The following SUGCT variants were observed in gnomAD, a reference collection of about 807,000 sequenced individuals.
SUGCT encodes the protein succinyl-CoA:glutarate-CoA transferase, also known as succinyl-CoA:glutarate CoA-transferase.
In SUGCT, 41 loss-of-function variants were observed where a neutral mutation model predicts 55.0. The ratio of observed to expected loss-of-function variants is 0.74; its 90% CI spans 0.58 to 0.97. The LOEUF is 0.97. Among genes scored for constraint, SUGCT ranks in the 50% least tolerant of loss-of-function variants. The pLI, the probability that SUGCT is intolerant of heterozygous loss-of-function variation, is 0.00. For missense variants in SUGCT, 568 were observed against 547.8 expected (o/e 1.04, Z -0.37); for synonymous variants, 187 against 200.4 (o/e 0.93, Z 0.56).
intron 9 of SUGCT, among the ~76,000 whole-genome samples, chr7:40,413,716 A>T (rs569220725): frequency 6.6e-6 from 1 of 152,208 alleles, no homozygotes; most frequent in Non-Finnish European, 1.5e-5. Flanking sequence ...TTTACAAATT[A>T]ATAAGGGAAG....
intron 5 of SUGCT, among the ~76,000 whole-genome samples, chr7:40,193,570 G>C (rs914010508): frequency 2.5e-4 from 38 of 149,936 alleles, no homozygotes; most frequent in African/African-American, 8.8e-4. Flanking sequence ...ACAGGTGTGA[G>C]CCACTATGCC....
chr7:40,552,176 G>A (rs1795332523), intron 12 of SUGCT, among the ~76,000 whole-genome samples: 1 of 152,158 alleles, frequency 6.6e-6, no homozygotes, highest in East Asian at 1.9e-4. Context: ...AAAGGGACAG[G>A]CGGTGGTTTA....
At chr7:40,517,524 T>G (rs1050089118) in intron 12 of SUGCT, among the ~76,000 whole-genome samples, 3 of 152,242 alleles carry the variant, frequency 2.0e-5, no homozygotes, top group African/African-American at 7.2e-5. Context: ...GGTTCCTCTG[T>G]ATTTTGAGTT....
rs80006666 is a variant in SUGCT at position 40,155,715 on chromosome 7, A to G, written c.100+20595A>G. Reference sequence around the variant, plus strand: ...TGGTTATTATTGTTAATAATTGGTTATTAATGATGTGGTGGTGTGTGTTTA... The same window carrying G: ...TGGTTATTATTGTTAATAATTGGTTGTTAATGATGTGGTGGTGTGTGTTTA... On this transcript the variant is annotated intron_variant, in intron 1 of 13. Transcript: ENST00000335693. 3.2e-3 allele frequency among the ~76,000 whole-genome samples: 494 copies of G among 152,352 alleles called. 21 individuals carry two copies. The East Asian group carries it at 0.082, about 25-fold the overall frequency.
intron 12 of SUGCT, among the ~76,000 whole-genome samples, chr7:40,690,766 C>T (rs899413853): frequency 1.4e-4 from 21 of 152,006 alleles, no homozygotes; most frequent in African/African-American, 5.1e-4. Flanking sequence ...TTTGTAGAAA[C>T]GGGGTTTCAC....
At chr7:40,889,253 G>A in the SUGCT span, among the ~76,000 whole-genome samples, 1 of 152,120 alleles carries the variant, frequency 6.6e-6, no homozygotes, top group East Asian at 1.9e-4. Context: ...GAAAGTACGG[G>A]GGATCAGTCT....
chr7:40,199,552 TG>T (rs1410322311), intron 6 of SUGCT, among the ~76,000 whole-genome samples: 1 of 152,212 alleles, frequency 6.6e-6, no homozygotes, highest in Non-Finnish European at 1.5e-5. Context: ...AGAAGTACAA[TG>T]GTATTTCCCC....
chr7:40,898,376 C>G, the SUGCT span, among the ~76,000 whole-genome samples: 1 of 151,216 alleles, frequency 6.6e-6, no homozygotes, highest in Non-Finnish European at 1.5e-5. Context: ...AGCAAGAGCA[C>G]GAACCCACCA....
intron 8 of SUGCT, among the ~76,000 whole-genome samples, chr7:40,304,436 T>A (rs144906249): frequency 0.01 from 1,525 of 151,656 alleles, 105 homozygotes; most frequent in Admixed American, 0.092. Context: ...CATATTTAAA[T>A]TTTTTATTTT....
the SUGCT span, among the ~76,000 whole-genome samples, chr7:40,916,847 C>A: frequency 6.6e-6 from 1 of 152,148 alleles, no homozygotes; most frequent in East Asian, 1.9e-4. Context: ...ATACATGAAG[C>A]TATTGACAAA....
At chr7:40,655,858 T>G (rs1052647102) in intron 12 of SUGCT, among the ~76,000 whole-genome samples, 12 of 152,236 alleles carry the variant, frequency 7.9e-5, no homozygotes, top group African/African-American at 2.9e-4. Flanking sequence ...CTTAATTTCT[T>G]GTATTCTGTG....
intron 9 of SUGCT, among the ~76,000 whole-genome samples, chr7:40,404,441 CT>C (rs796273282): frequency 1.9e-3 from 267 of 142,368 alleles, no homozygotes; most frequent in Middle Eastern, 7.4e-3. Context: ...ATCCACTTGA[CT>C]TTTTTTTTTT....
intron 6 of SUGCT, among the ~76,000 whole-genome samples, chr7:40,211,071 G>T (rs1255769533): frequency 6.6e-6 from 1 of 152,048 alleles, no homozygotes; most frequent in Admixed American, 6.6e-5. Context: ...CCACCTCCTG[G>T]GTTCAAGCGA....
intron 8 of SUGCT, among the ~76,000 whole-genome samples, chr7:40,286,017 C>T (rs760516998): frequency 2.6e-5 from 4 of 152,164 alleles, no homozygotes; most frequent in Admixed American, 1.3e-4. Context: ...TTATTCTGAT[C>T]TAATTCCTTT....
the SUGCT span, among the ~76,000 whole-genome samples, chr7:41,017,597 C>T: frequency 2.0e-5 from 3 of 151,890 alleles, no homozygotes; most frequent in South Asian, 2.1e-4. Flanking sequence ...AATGAAACCC[C>T]GTCTCTACTG....
At chr7:40,192,266 G>T (rs1288163021) in intron 5 of SUGCT, among the ~76,000 whole-genome samples, 1 of 152,100 alleles carries the variant, frequency 6.6e-6, no homozygotes, top group Non-Finnish European at 1.5e-5. Flanking sequence ...CAAAAAGTAT[G>T]ACTCCTTTGT....
intron 9 of SUGCT, among the ~76,000 whole-genome samples, chr7:40,378,640 T>C (rs912641186): frequency 6.6e-6 from 1 of 152,144 alleles, no homozygotes; most frequent in African/African-American, 2.4e-5. Context: ...GCCTGGCTAA[T>C]TTTTCTATTT....
intron 12 of SUGCT, among the ~76,000 whole-genome samples, chr7:40,689,314 G>T (rs1423418092): frequency 6.6e-6 from 1 of 152,052 alleles, no homozygotes; most frequent in South Asian, 2.1e-4. Context: ...CCAAATTCTG[G>T]GGAAAATAAA....
chr7:40,900,938 T>A, the SUGCT span, among the ~76,000 whole-genome samples: 1 of 152,222 alleles, frequency 6.6e-6, no homozygotes, highest in African/African-American at 2.4e-5. Flanking sequence ...GGAAAATATA[T>A]GTAATTGTCA....
Sources: gnomAD v4.1 joint callset for allele counts (sites outside exome capture counted in the v4.1 genomes callset) on GRCh38, gnomAD v4.1.1 for gene constraint, MANE v1.5 for transcripts, NCBI Gene and HGNC (gene_info 2026-07-23, HGNC 2026-07-21) for gene names.